The following CLDN10 variants were observed in gnomAD, a reference collection of about 807,000 sequenced individuals.
CLDN10 encodes claudin-10.
A neutral mutation model predicts 22.9 loss-of-function variants in CLDN10; 15 were observed. The observed-to-expected ratio is 0.65, with a 90% confidence interval of 0.44 to 1.01. The LOEUF is 1.01. CLDN10 is among the 50% of genes least tolerant of loss of function. CLDN10 has a pLI of 0.00. For missense variants in CLDN10, 247 were observed against 287.8 expected, an observed-to-expected ratio of 0.86 and a Z score of 1.03; for synonymous variants, 114 against 111.4, an observed-to-expected ratio of 1.02 and a Z score of -0.15.
intron 1 of CLDN10, among the ~76,000 whole-genome samples, chr13:95,499,294 C>A (rs1184714950): frequency 6.6e-6 from 1 of 152,194 alleles, no homozygotes. Flanking sequence ...GTAATCCCAG[C>A]ACTTTGAAAG....
chr13:95,481,806 G>C (rs1340736095), intron 1 of CLDN10, among the ~76,000 whole-genome samples: 2 of 152,204 alleles, frequency 1.3e-5, no homozygotes, highest in Non-Finnish European at 2.9e-5. Context: ...GATCACCTGA[G>C]ATCAGGAGTT....
intron 1 of CLDN10, among the ~76,000 whole-genome samples, chr13:95,530,990 A>G (rs1484224296): frequency 2.0e-5 from 3 of 151,662 alleles, no homozygotes; most frequent in Admixed American, 6.6e-5. Flanking sequence ...CAGCGGCACA[A>G]TCTTGGCTCA....
chr13:95,549,095 C>T (rs1410493003), upstream of CLDN10, among the ~76,000 whole-genome samples: 1 of 152,148 alleles, frequency 6.6e-6, no homozygotes, highest in African/African-American at 2.4e-5. Context: ...AGTAGAAAGG[C>T]TCAGAATATG....
intron 1 of CLDN10, among the ~76,000 whole-genome samples, chr13:95,476,072 T>C (rs1419423629): frequency 6.6e-6 from 1 of 152,062 alleles, no homozygotes; most frequent in Non-Finnish European, 1.5e-5. Context: ...TGATAGGACA[T>C]ATGAGGGGAG....
At chr13:95,547,036 G>A (rs1290809836) in intron 1 of CLDN10, among the ~76,000 whole-genome samples, 3 of 148,482 alleles carry the variant, frequency 2.0e-5, no homozygotes, top group Middle Eastern at 3.4e-3. Context: ...GACTACAGGC[G>A]GCTGGCTAAC....
chr13:95,562,686 T>A (rs1342413392), intron 3 of CLDN10, among the ~76,000 whole-genome samples: 1 of 152,252 alleles, frequency 6.6e-6, no homozygotes, highest in Non-Finnish European at 1.5e-5. Flanking sequence ...ATCATAAATA[T>A]GCAGCAAACC....
chr13:95,576,773 T>G (rs1223706597), intron 3 of CLDN10, among the ~76,000 whole-genome samples: 1 of 152,220 alleles, frequency 6.6e-6, no homozygotes, highest in Non-Finnish European at 1.5e-5. Context: ...CAGCGATTAG[T>G]GACGATTTGC....
At chr13:95,466,812 T>C (rs2042585055) in intron 1 of CLDN10, among the ~76,000 whole-genome samples, 1 of 151,976 alleles carries the variant, frequency 6.6e-6, no homozygotes, top group South Asian at 2.1e-4. Context: ...CCCCATATTC[T>C]GATCTTGTAT....
chr13:95,442,804 C>T (rs72649648), intron 1 of CLDN10, among the ~76,000 whole-genome samples: 109 of 152,320 alleles, frequency 7.2e-4, no homozygotes, highest in Non-Finnish European at 1.4e-3. Context: ...CTTAACTTCT[C>T]ATAGACTCAA....
At chr13:95,469,742 A>G (rs778356552) in intron 1 of CLDN10, among the ~76,000 whole-genome samples, 32 of 152,242 alleles carry the variant, frequency 2.1e-4, no homozygotes, top group Admixed American at 9.8e-4. Context: ...TGAAAGTTCA[A>G]TCTCAAGACT....
intron 1 of CLDN10, among the ~76,000 whole-genome samples, chr13:95,543,114 C>T (rs935600847): frequency 1.3e-5 from 2 of 152,038 alleles, no homozygotes; most frequent in Admixed American, 1.3e-4. Context: ...TGCCTGTAAC[C>T]CCAGCTACTC....
At chr13:95,553,558 T>C (rs2043595201) in intron 1 of CLDN10, among the ~76,000 whole-genome samples, 1 of 152,242 alleles carries the variant, frequency 6.6e-6, no homozygotes, top group Non-Finnish European at 1.5e-5. Context: ...AAAGAGCTTC[T>C]ACAAACTTGT....
Position 95,464,110 on chromosome 13 carries a change from A to G in CLDN10, c.214+30063A>G, listed in dbSNP as rs556439583. 7.7e-4 allele frequency among the ~76,000 whole-genome samples: 115 copies of G among 150,314 alleles called. 1 individual carries two copies. The highest frequency in any genetic ancestry group is 2.7e-3 in the African/African-American group (110 of 41,138). ...TGATTTTTTTTAAATATATATATAT[A>G]TATTTATTATATTTTAAGTTCTAGG... is the stretch of plus-strand genomic sequence containing the variant. On this transcript the variant is annotated intron_variant, in intron 1 of 4. Coordinates refer to the CLDN10 transcript ENST00000376873.
At chr13:95,467,958 G>C (rs2042595920) in intron 1 of CLDN10, among the ~76,000 whole-genome samples, 2 of 152,156 alleles carry the variant, frequency 1.3e-5, no homozygotes, top group Non-Finnish European at 1.5e-5. Context: ...CAACCTTTTT[G>C]TTCTATTCAG....
chr13:95,446,795 T>C (rs1009341648), intron 1 of CLDN10, among the ~76,000 whole-genome samples: 1 of 152,026 alleles, frequency 6.6e-6, no homozygotes, highest in Non-Finnish European at 1.5e-5. Flanking sequence ...TGAACCGAGA[T>C]TGTGCCACTG....
intron 1 of CLDN10, among the ~76,000 whole-genome samples, chr13:95,506,480 C>T (rs192593984): frequency 2.0e-5 from 3 of 152,274 alleles, no homozygotes. Flanking sequence ...TTTTCATGCC[C>T]TCTACTGCCT....
At chr13:95,518,725 C>T (rs772303472) in intron 1 of CLDN10, among the ~76,000 whole-genome samples, 1 of 151,598 alleles carries the variant, frequency 6.6e-6, no homozygotes, top group Non-Finnish European at 1.5e-5. Flanking sequence ...CACCACTGCA[C>T]TCCAGCCTGA....
At chr13:95,492,680 A>G (rs539344947) in intron 1 of CLDN10, among the ~76,000 whole-genome samples, 16 of 152,288 alleles carry the variant, frequency 1.1e-4, no homozygotes, top group African/African-American at 3.4e-4. Context: ...GGTTCTGGTC[A>G]GGAGGCTTCT....
At chr13:95,577,554 A>G (rs1028316688) in intron 4 of CLDN10, among the ~76,000 whole-genome samples, 3 of 152,366 alleles carry the variant, frequency 2.0e-5, no homozygotes, top group Middle Eastern at 3.4e-3. Context: ...ATATGAGGAC[A>G]TGTTCTTCAC....
Sources: allele counts gnomAD v4.1 joint callset (sites outside exome capture counted in the v4.1 genomes callset), GRCh38; gene constraint gnomAD v4.1.1; transcripts MANE v1.5; gene names NCBI Gene and HGNC (gene_info 2026-07-23, HGNC 2026-07-21).